Variants in KIF16B observed in about 807,000 individuals in gnomAD.
KIF16B encodes the protein kinesin-like protein KIF16B.
A neutral mutation model predicts 156.3 loss-of-function variants in KIF16B; 98 were observed. The ratio of observed to expected loss-of-function variants is 0.63; its 90% confidence interval spans 0.53 to 0.74. The LOEUF (loss-of-function observed/expected upper bound fraction) is 0.74, where lower values mean the gene tolerates loss of function less well. Among genes scored for constraint, KIF16B ranks in the 30% least tolerant of loss-of-function variants. The pLI is 0.00. For missense variants in KIF16B, 1,421 were observed against 1,606.5 expected (o/e 0.88, Z 1.97); for synonymous variants, 564 against 583.7 (o/e 0.97, Z 0.49).
At position 16,514,582 on chromosome 20, in the gene KIF16B, G is replaced by GAA. The variant is rs540602451; in HGVS notation, c.348+964_348+965dup. Among the ~76,000 whole-genome samples the GAA allele has an allele frequency of 6.7e-3, 513 of 76,888 alleles. 10 individuals carry two copies. The highest frequency in any genetic ancestry group is 0.026 in the African/African-American group (461 of 17,712). The allele number at this position is 76,888 out of a possible 152,430, so 50.4% of individuals were successfully genotyped here. The stretch of plus-strand genomic sequence containing the variant: ...GAACAGAGCTCTCACTAAGAAATAA[G>GAA]AAAAAAAAAAAAAAAAAAAAAAAAC... On this transcript the variant is annotated intron_variant, in intron 4 of 25. Coordinates refer to ENST00000354981, the MANE Select transcript of KIF16B (RefSeq NM_024704.5).
chr20:16,464,314 A>G (rs1471917347), intron 12 of KIF16B, among the ~76,000 whole-genome samples: 1 of 152,202 alleles, frequency 6.6e-6, no homozygotes. Flanking sequence ...AAACACATTA[A>G]ACAAGCAAAA....
chr20:16,474,165 T>A (rs971241928), intron 12 of KIF16B, among the ~76,000 whole-genome samples: 2 of 152,136 alleles, frequency 1.3e-5, no homozygotes, highest in African/African-American at 4.8e-5. Context: ...GTCAACTCTC[T>A]CTGAACCCCT....
rs763779457 is a variant in KIF16B, at chr20:16,410,096, T to TATATATATATGTAGGTAC, written c.1613-3658_1613-3641dup. The stretch of plus-strand genomic sequence containing the variant: ...GTACATATATATATATGTAGGTACA[T>TATATATATATGTAGGTAC]ATATATATATGTAGGTACATATATA... On this transcript the variant is annotated intron_variant, in intron 15 of 25. Transcript: ENST00000354981. 4.2e-3 allele frequency among the ~76,000 whole-genome samples: 386 copies of TATATATATATGTAGGTAC among 91,460 alleles called. 33 individuals are homozygous for TATATATATATGTAGGTAC. The highest frequency in any genetic ancestry group is 0.024 in the African/African-American group (356 of 15,050). The allele number at this position is 91,460 out of a possible 152,430, so 60.0% of individuals were successfully genotyped here.
intron 23 of KIF16B, among the ~76,000 whole-genome samples, chr20:16,354,044 T>C (rs1432215592): frequency 6.6e-6 from 1 of 152,238 alleles, no homozygotes; most frequent in Non-Finnish European, 1.5e-5. Flanking sequence ...CCTGAAGTGA[T>C]CACCTAGATT....
At position 16,427,250 on chromosome 20, in the gene KIF16B, G is replaced by A. The variant is rs6043936; in HGVS notation, c.1475-9C>T. On this transcript the variant is annotated splice_polypyrimidine_tract_variant and intron_variant, in intron 14 of 25. Coordinates refer to ENST00000354981, the MANE Select transcript of KIF16B (RefSeq NM_024704.5). Reference sequence around the variant, plus strand: ...GTCAAGGCCATGAAGAACTAAAGTGGAAAAACAAAGTAGAAAGAATTTTTC... The same window carrying A: ...GTCAAGGCCATGAAGAACTAAAGTGAAAAAACAAAGTAGAAAGAATTTTTC... 445 of 1,599,996 alleles carry A rather than the reference G, an allele frequency of 2.8e-4. No homozygotes were observed. The African/African-American group carries it at 5.2e-3, about 19-fold the overall frequency.
chr20:16,302,679 A>G (rs1459159114), intron 25 of KIF16B, among the ~76,000 whole-genome samples: 2 of 152,184 alleles, frequency 1.3e-5, no homozygotes, highest in African/African-American at 4.8e-5. Flanking sequence ...GATTTCCTTC[A>G]TCAGAATTTT....
At chr20:16,282,249 C>T (rs2063157817) in intron 25 of KIF16B, among the ~76,000 whole-genome samples, 1 of 151,624 alleles carries the variant, frequency 6.6e-6, no homozygotes, top group Non-Finnish European at 1.5e-5. Context: ...GTCAGGCTGG[C>T]CTCGAACCCC....
Position 16,335,972 on chromosome 20 carries a change from C to T in KIF16B, c.3665G>A (p.Ser1222Asn), listed in dbSNP as rs1405841772. 6.2e-7 allele frequency: 1 copy of T among 1,610,518 alleles called. No homozygotes were observed. The highest frequency in any genetic ancestry group is 1.7e-5 in the Admixed American group (1 of 59,850). Residue 1222 changes from serine (S) to asparagine (N), a missense_variant, in exon 24 of 26, where the codon AGT becomes AAT. Coordinates refer to ENST00000354981, the MANE Select transcript of KIF16B (RefSeq NM_024704.5). ...DETWTVFRRY[S>N]RFREMHKTLK... ...TGTTTTATGCATTTCTCGAAAACGA[C>T]TGTAACGCCTGAATACAGTCCATGT...
intron 24 of KIF16B, among the ~76,000 whole-genome samples, chr20:16,331,163 C>T (rs192748397): frequency 2.2e-4 from 34 of 152,288 alleles, no homozygotes; most frequent in Middle Eastern, 3.4e-3. Flanking sequence ...ATCATTCCTA[C>T]TGAGGGTTAG....
intron 25 of KIF16B, among the ~76,000 whole-genome samples, chr20:16,294,586 G>T (rs763577920): frequency 1.3e-5 from 2 of 152,164 alleles, no homozygotes; most frequent in Non-Finnish European, 2.9e-5. Context: ...GATCTCCAGG[G>T]CCTTGCCTGC....
intron 25 of KIF16B, among the ~76,000 whole-genome samples, chr20:16,274,557 A>G (rs1433324928): frequency 6.6e-6 from 1 of 152,258 alleles, no homozygotes; most frequent in Non-Finnish European, 1.5e-5. Flanking sequence ...AGTGTGCTTA[A>G]AAAACCCAAA....
chr20:16,279,927 T>C (rs2063121110), intron 25 of KIF16B, among the ~76,000 whole-genome samples: 1 of 152,200 alleles, frequency 6.6e-6, no homozygotes, highest in African/African-American at 2.4e-5. Context: ...AAGAATTTAG[T>C]CCATTATATT....
chr20:16,378,952 G>A lies in KIF16B; in HGVS notation c.3050C>T (p.Ser1017Phe). ...CAGGGTGGAGTGCCTCTGCAGCGCA[G>A]AATGTCTCCTCTCCAGCCTGGCCAG... ...RALARLERRHSALQRHSTLGM... is the reference protein window; with the variant it reads ...RALARLERRHFALQRHSTLGM... Residue 1017 changes from serine (S) to phenylalanine (F), a missense_variant, in exon 19 of 26, where the codon TCT becomes TTT. Coordinates refer to ENST00000354981, the MANE Select transcript of KIF16B (RefSeq NM_024704.5). The A allele has an allele frequency of 1.2e-6, 2 of 1,614,120 alleles. No homozygotes were observed. Among genetic ancestry groups the A allele is most frequent in the Non-Finnish European group, 8.5e-7 (1 of 1,179,974 alleles).
chr20:16,381,794 T>C, intron 17 of KIF16B, 47 bp from the exon 18 acceptor site: 1 of 1,460,648 alleles, frequency 6.8e-7, no homozygotes, highest in Non-Finnish European at 9.5e-7. Flanking sequence ...AGAGCTTTTC[T>C]ATCTCTCTCT....
chr20:16,506,335 C>T, intron 7 of KIF16B, 145 bp from the exon 8 acceptor site: 1 of 660,770 alleles, frequency 1.5e-6, no homozygotes, highest in Non-Finnish European at 2.6e-6. Context: ...GGCCTTCCTA[C>T]TGATTACAGA....
intron 3 of KIF16B, among the ~76,000 whole-genome samples, chr20:16,525,114 G>A (rs1041562933): frequency 5.9e-5 from 9 of 152,152 alleles, no homozygotes; most frequent in Non-Finnish European, 1.2e-4. Flanking sequence ...GCCATGGCAC[G>A]TGTATACCTA....
intron 12 of KIF16B, among the ~76,000 whole-genome samples, chr20:16,445,517 CAA>C (rs113870189): frequency 1.5e-5 from 2 of 134,804 alleles, no homozygotes; most frequent in African/African-American, 2.7e-5. Flanking sequence ...ATTTGAGTAA[CAA>C]AAAAAAAAAA....
At chr20:16,410,158 T>C (rs890409991) in intron 15 of KIF16B, among the ~76,000 whole-genome samples, 2 of 144,974 alleles carry the variant, frequency 1.4e-5, no homozygotes, top group African/African-American at 2.5e-5. Context: ...TACATATACA[T>C]ATATGTAGGT....
chr20:16,439,923 A>C (rs1481321605), intron 12 of KIF16B, among the ~76,000 whole-genome samples: 2 of 152,158 alleles, frequency 1.3e-5, no homozygotes, highest in African/African-American at 4.8e-5. Flanking sequence ...GTGGGAATTC[A>C]AGATGAGATT....
Sources: gnomAD v4.1 joint callset for allele counts (sites outside exome capture counted in the v4.1 genomes callset) on GRCh38, gnomAD v4.1.1 for gene constraint, MANE v1.5 for transcripts, NCBI Gene and HGNC (gene_info 2026-07-23, HGNC 2026-07-21) for gene names.